SLC2A5: variants seen among roughly 807,000 people sequenced by gnomAD.
SLC2A5 encodes solute carrier family 2, facilitated glucose transporter member 5.
SLC2A5 carries 56 observed loss-of-function variants against 50.3 expected under a neutral mutation model. The observed-to-expected ratio is 1.11, with a 90% CI of 0.90 to 1.39. The LOEUF (loss-of-function observed/expected upper bound fraction) is 1.39. SLC2A5 is among the 40% of genes most tolerant of loss of function. The probability of loss-of-function intolerance (pLI) is 0.00; values close to 1 mark genes in which losing one functional copy is unlikely to be tolerated. For missense variants in SLC2A5, 566 were observed against 650.1 expected, an observed-to-expected ratio of 0.87 and a Z score of 1.41; for synonymous variants, 269 against 281.9, an observed-to-expected ratio of 0.95 and a Z score of 0.46.
At chr1:9,074,739 T>C (rs562482519) in intron 2 of SLC2A5, among the ~76,000 whole-genome samples, 1 of 152,274 alleles carries the variant, frequency 6.6e-6, no homozygotes, top group African/African-American at 2.4e-5. Flanking sequence ...TGGGCTGGTT[T>C]TGTGATTTCA....
At chr1:9,059,174 G>C (rs12354271) in intron 1 of SLC2A5, among the ~76,000 whole-genome samples, 1 of 114,670 alleles carries the variant, frequency 8.7e-6, no homozygotes, top group South Asian at 3.0e-4. Flanking sequence ...ACAGAGTCTT[G>C]CTCTGTCACC....
At chr1:9,067,995 G>A (rs2124451384) in intron 1 of SLC2A5, among the ~76,000 whole-genome samples, 1 of 152,056 alleles carries the variant, frequency 6.6e-6, no homozygotes, top group East Asian at 1.9e-4. Flanking sequence ...TTCTAGACCA[G>A]CCTGGCCAAC....
In SLC2A5 at chr1:9,038,033, G is replaced by A; in HGVS notation, c.1175-9C>T. ...CAGCGCGGGTATGGGACCTGTAGGG[G>A]GAGGAGAGCAGCCTCCCTGAAGGCA... On this transcript the variant is annotated splice_polypyrimidine_tract_variant and intron_variant, in intron 10 of 11. Transcript: ENST00000377424. 6.2e-7 allele frequency: 1 copy of A among 1,613,400 alleles called. No individual in the cohort carries two copies. The highest frequency in any genetic ancestry group is 8.5e-7 in the Non-Finnish European group (1 of 1,179,874).
intron 2 of SLC2A5, 82 bp from the exon 3 acceptor site, chr1:9,057,690 G>A: frequency 8.1e-7 from 1 of 1,241,344 alleles, no homozygotes; most frequent in South Asian, 1.3e-5. Context: ...GACACCCAAT[G>A]AAATAACCTG....
intron 10 of SLC2A5, 122 bp from the exon 11 acceptor site, chr1:9,038,146 T>C (rs545629990): frequency 1.7e-6 from 2 of 1,209,268 alleles, no homozygotes; most frequent in Non-Finnish European, 2.3e-6. Flanking sequence ...CTCTTGGGCA[T>C]GTGGGGCAGC....
upstream of SLC2A5, among the ~76,000 whole-genome samples, chr1:9,089,776 C>A (rs956601984): frequency 2.0e-5 from 3 of 152,208 alleles, no homozygotes; most frequent in African/African-American, 7.2e-5. Flanking sequence ...AATGGGAACA[C>A]CTTCCCCGTT....
intron 3 of SLC2A5, among the ~76,000 whole-genome samples, chr1:9,055,586 G>A (rs771129800): frequency 6.6e-6 from 1 of 151,920 alleles, no homozygotes; most frequent in Non-Finnish European, 1.5e-5. Context: ...ACAGTGCCTG[G>A]CACATAGGAA....
rs775798325 is a variant in SLC2A5, at chr1:9,038,900, C to A, written c.1026G>T (p.Arg342Ser). Residue 342 changes from arginine (R) to serine (S), a missense_variant, in exon 9 of 12, where the codon AGG becomes AGT. Transcript: ENST00000377424. ...TGGAGAAGCCCAGCAGCAGCAGCAG[C>A]CTCCGACCCAGGAGCTCCACCACGA... is the stretch of plus-strand genomic sequence containing the variant. The part of the protein sequence containing the change: ...AVFVVELLGR[R>S]LLLLLGFSIC... 6.2e-7 allele frequency: 1 copy of A among 1,612,748 alleles called. No homozygotes were observed. The highest frequency in any genetic ancestry group is 1.1e-5 in the South Asian group (1 of 91,038).
intron 3 of SLC2A5, among the ~76,000 whole-genome samples, chr1:9,049,765 G>C (rs1047882164): frequency 1.3e-5 from 2 of 151,366 alleles, no homozygotes; most frequent in African/African-American, 4.9e-5. Context: ...TCCAGAAATA[G>C]ACCCACGTTA....
At position 9,041,564 on chromosome 1, in the gene SLC2A5, G is replaced by C. The variant is rs1238819486; in HGVS notation, c.571+221C>G. The C allele has an allele frequency of 2.8e-6, 4 of 1,405,672 alleles. No individual in the cohort carries two copies. In the East Asian group the frequency reaches 1.0e-4, roughly 37 times the overall value. The allele number at this position is 1,405,672 out of a possible 1,614,324, so 87.1% of individuals were successfully genotyped here. On this transcript the variant is annotated intron_variant, in intron 5 of 11. Coordinates refer to ENST00000377424, the MANE Select transcript of SLC2A5 (RefSeq NM_003039.3). ...CAAAGCCACCTCATCCATCTCCTAAGAGGGACTAGATAGTAAACGCTGGCC... is the reference window on the plus strand; with the variant it reads ...CAAAGCCACCTCATCCATCTCCTAACAGGGACTAGATAGTAAACGCTGGCC...
At position 9,047,697 on chromosome 1, in the gene SLC2A5, C is replaced by T. The variant is rs138176474; in HGVS notation, c.331G>A (p.Val111Met). 3.5e-5 allele frequency: 56 copies of T among 1,613,882 alleles called. No individual in the cohort carries two copies. Among genetic ancestry groups the T allele is most frequent in the South Asian group, 2.6e-4 (24 of 91,054 alleles). Residue 111 changes from valine (V) to methionine (M), a missense_variant, in exon 4 of 12, where the codon GTG becomes ATG. Transcript: ENST00000377424. ...CTGCATCCCATTAAGATCGCAGGCA[C>T]GATAGAAAATATGTTGTTGAACAGC... is the stretch of plus-strand genomic sequence containing the variant. ...ALLFNNIFSI[V>M]PAILMGCSRV...
chr1:9,038,629 C>A, intron 9 of SLC2A5, 123 bp from the exon 10 acceptor site: 2 of 1,239,362 alleles, frequency 1.6e-6, no homozygotes, highest in East Asian at 2.4e-5. Context: ...AGTGCCACCT[C>A]GATGAGCCAC....
chr1:9,050,519 A>T (rs974816138), intron 3 of SLC2A5, among the ~76,000 whole-genome samples: 6 of 152,288 alleles, frequency 3.9e-5, no homozygotes, highest in Middle Eastern at 3.4e-3. Flanking sequence ...TCTATATGCA[A>T]GAAAATGAAT....
chr1:9,048,991 TAGA>T (rs1641504291), intron 3 of SLC2A5: 1 of 367,812 alleles, frequency 2.7e-6, no homozygotes, highest in Non-Finnish European at 5.4e-6. Context: ...AAACTATAAA[TAGA>T]AGAACTTCTT....
chr1:9,092,559 T>C (rs1261462300), upstream of SLC2A5, among the ~76,000 whole-genome samples: 3 of 152,294 alleles, frequency 2.0e-5, no homozygotes, highest in South Asian at 2.1e-4. Context: ...CAAAACAGGA[T>C]TGGCAAATTG....
chr1:9,080,832 T>C (rs1231866324), intron 2 of SLC2A5, among the ~76,000 whole-genome samples: 7 of 152,348 alleles, frequency 4.6e-5, no homozygotes, highest in African/African-American at 1.7e-4. Context: ...TATGGGACCT[T>C]TAATCCCTCT....
At position 9,040,539 on chromosome 1, in the gene SLC2A5, C is replaced by A; in HGVS notation, c.572-350G>T. The A allele has an allele frequency of 4.1e-6, 1 of 241,340 alleles. No homozygotes were observed. Among genetic ancestry groups the A allele is most frequent in the Non-Finnish European group, 8.1e-6 (1 of 123,428 alleles). The allele number at this position is 241,340 out of a possible 1,614,324, so 14.9% of individuals were successfully genotyped here. ...AACTGCCCACTCCCAGCTCTATGCC[C>A]AGAGAAGCCAGGCCACCAGGATGCC... On this transcript the variant is annotated intron_variant, in intron 5 of 11. Coordinates refer to ENST00000377424, the MANE Select transcript of SLC2A5 (RefSeq NM_003039.3). This position sits in a 1 kb window ranked among gnomAD's most constrained non-coding sequence, Gnocchi z 4.3.
chr1:9,085,695 A>G (rs1479734257), intron 1 of SLC2A5, among the ~76,000 whole-genome samples: 1 of 152,192 alleles, frequency 6.6e-6, no homozygotes, highest in Non-Finnish European at 1.5e-5. Context: ...AAGTTCATTC[A>G]GATGGTTGTG....
At chr1:9,055,021 A>C (rs1641714044) in intron 3 of SLC2A5, among the ~76,000 whole-genome samples, 1 of 152,196 alleles carries the variant, frequency 6.6e-6, no homozygotes, top group Non-Finnish European at 1.5e-5. Flanking sequence ...TTTTGCATAA[A>C]AAAGGTACTA....
Sources: allele counts gnomAD v4.1 joint callset (sites outside exome capture counted in the v4.1 genomes callset), GRCh38; gene constraint gnomAD v4.1.1; non-coding constraint Gnocchi (gnomAD v3.1); transcripts MANE v1.5; gene names NCBI Gene and HGNC (gene_info 2026-07-23, HGNC 2026-07-21).